ROR1: variants seen among roughly 807,000 people sequenced by gnomAD.
The protein encoded by ROR1 is ROR family WNT receptor 1.
In ROR1, 19 loss-of-function variants were observed where a neutral mutation model predicts 78.8. The ratio of observed to expected loss-of-function variants is 0.24; its 90% CI spans 0.17 to 0.35. ROR1 has a LOEUF of 0.35. Among genes scored for constraint, ROR1 ranks in the 10% least tolerant of loss-of-function variants. ROR1 has a pLI of 1.00. For synonymous variants in ROR1, 386 were observed against 433.6 expected (o/e 0.89, Z 1.36); for missense variants, 917 against 1,177.8 (o/e 0.78, Z 3.24).
chr1:63,801,252 T>C (rs1456981014), intron 1 of ROR1, among the ~76,000 whole-genome samples: 3 of 152,198 alleles, frequency 2.0e-5, no homozygotes, highest in Admixed American at 2.0e-4. Flanking sequence ...AATCTTCTAC[T>C]CATAACATGG....
chr1:64,181,473 G>C lies in ROR1; in HGVS notation c.*2618G>C, dbSNP rs1650544208. The C allele has an allele frequency of 6.6e-6, 1 of 152,000 alleles. No homozygotes were observed. The highest frequency in any genetic ancestry group is 2.4e-5 in the African/African-American group (1 of 41,356). The allele number at this position is 152,000 out of a possible 1,614,324, so 9.4% of individuals were successfully genotyped here. Reference sequence around the variant, plus strand: ...TAAACACTGATTATTTTATGCTGCTGTTTATTAAAAATGTTTACTATAAAA... The same window carrying C: ...TAAACACTGATTATTTTATGCTGCTCTTTATTAAAAATGTTTACTATAAAA... On this transcript the variant is annotated 3_prime_UTR_variant, in exon 9 of 9. Transcript: ENST00000371079.
At chr1:64,034,021 A>C (rs1020586248) in intron 2 of ROR1, among the ~76,000 whole-genome samples, 1 of 152,136 alleles carries the variant, frequency 6.6e-6, no homozygotes, top group African/African-American at 2.4e-5. Flanking sequence ...TAGTTACGTC[A>C]TTCAGGCAGC....
chr1:63,971,796 T>C (rs2100497956), intron 1 of ROR1, among the ~76,000 whole-genome samples: 1 of 152,256 alleles, frequency 6.6e-6, no homozygotes, highest in South Asian at 2.1e-4. Context: ...CTGATGGGTA[T>C]GAGTAGGAGG....
At chr1:63,909,827 C>T (rs1296440268) in intron 1 of ROR1, among the ~76,000 whole-genome samples, 1 of 152,064 alleles carries the variant, frequency 6.6e-6, no homozygotes, top group Non-Finnish European at 1.5e-5. Context: ...TCGCCTCAGT[C>T]TCACTTCCTG....
intron 1 of ROR1, among the ~76,000 whole-genome samples, chr1:63,994,319 AT>A (rs1646320273): frequency 6.6e-6 from 1 of 152,166 alleles, no homozygotes; most frequent in South Asian, 2.1e-4. Context: ...TTAATAACCC[AT>A]TTATGCCTAA....
At chr1:63,974,042 T>G (rs912139016) in intron 1 of ROR1, among the ~76,000 whole-genome samples, 4 of 152,208 alleles carry the variant, frequency 2.6e-5, no homozygotes, top group Non-Finnish European at 5.9e-5. Context: ...ACATTATTGC[T>G]TAAGTAAAGG....
chr1:63,796,017 G>T (rs1644757717), intron 1 of ROR1, among the ~76,000 whole-genome samples: 1 of 152,146 alleles, frequency 6.6e-6, no homozygotes, highest in Non-Finnish European at 1.5e-5. Context: ...AGTATTTTGA[G>T]TATCTTTTGT....
Position 64,120,090 on chromosome 1 carries a change from G to A in ROR1, c.483-17279G>A, listed in dbSNP as rs769780213. Among the ~76,000 whole-genome samples, 11 of 152,308 alleles carry A rather than the reference G, an allele frequency of 7.2e-5. No individual in the cohort carries two copies. In the East Asian group the frequency reaches 1.7e-3, roughly 24 times the overall value. On this transcript the variant is annotated intron_variant, in intron 4 of 8. Coordinates refer to ENST00000371079, the MANE Select transcript of ROR1 (RefSeq NM_005012.4). ...TGGTTCTCGACTGTTCTCCAAAGAC[G>A]CAATGTGCACTGGGCCTCCACGTAG...
At chr1:63,907,787 A>G (rs2100412055) in intron 1 of ROR1, among the ~76,000 whole-genome samples, 1 of 152,280 alleles carries the variant, frequency 6.6e-6, no homozygotes, top group Middle Eastern at 3.4e-3. Flanking sequence ...GAAAGGTGAA[A>G]ACATGTGTTC....
At chr1:63,910,076 A>G (rs989047924) in intron 1 of ROR1, among the ~76,000 whole-genome samples, 45 of 152,292 alleles carry the variant, frequency 3.0e-4, no homozygotes, top group African/African-American at 1.1e-3. Flanking sequence ...CACTTAATCT[A>G]TGAAGCAGTA....
chr1:63,787,129 C>CTCAGA (rs1644693238), intron 1 of ROR1, among the ~76,000 whole-genome samples: 1 of 152,172 alleles, frequency 6.6e-6, no homozygotes, highest in Non-Finnish European at 1.5e-5. Context: ...GCATATCCAG[C>CTCAGA]TCAGACTCTT....
intron 1 of ROR1, among the ~76,000 whole-genome samples, chr1:63,788,292 A>T (rs1020365643): frequency 3.3e-5 from 5 of 152,230 alleles, no homozygotes; most frequent in Admixed American, 6.5e-5. Context: ...ATGTATAATG[A>T]AAACAAATTT....
chr1:63,897,134 G>A (rs192144819), intron 1 of ROR1, among the ~76,000 whole-genome samples: 33 of 152,248 alleles, frequency 2.2e-4, no homozygotes, highest in African/African-American at 6.3e-4. Flanking sequence ...GCCCTTTCAC[G>A]TATTCATCTG....
chr1:64,150,476 G>C (rs970198895), intron 7 of ROR1, among the ~76,000 whole-genome samples: 2 of 152,182 alleles, frequency 1.3e-5, no homozygotes, highest in African/African-American at 4.8e-5. Context: ...TACAGTTCGG[G>C]GCAAGGCAGA....
chr1:64,098,961 CA>C (rs1188088628), intron 4 of ROR1, among the ~76,000 whole-genome samples: 2 of 152,008 alleles, frequency 1.3e-5, no homozygotes, highest in East Asian at 3.9e-4. Context: ...CCCTGTTTTA[CA>C]GTTCATAAAG....
At chr1:63,978,541 G>T (rs1646181223) in intron 1 of ROR1, among the ~76,000 whole-genome samples, 1 of 152,096 alleles carries the variant, frequency 6.6e-6, no homozygotes, top group Non-Finnish European at 1.5e-5. Flanking sequence ...GGCAGCACAT[G>T]GTAAACACTT....
intron 1 of ROR1, among the ~76,000 whole-genome samples, chr1:63,819,149 G>A (rs561820101): frequency 6.6e-6 from 1 of 152,230 alleles, no homozygotes; most frequent in East Asian, 1.9e-4. Flanking sequence ...GAAAGTTTCT[G>A]TGGCTTTCGG....
intron 1 of ROR1, among the ~76,000 whole-genome samples, chr1:64,007,317 C>T (rs12022386): frequency 6.6e-6 from 1 of 151,642 alleles, no homozygotes; most frequent in African/African-American, 2.4e-5. Context: ...TGCCTTATAG[C>T]TAATGACCCT....
chr1:63,924,641 A>G (rs1299775148), intron 1 of ROR1, among the ~76,000 whole-genome samples: 2 of 152,224 alleles, frequency 1.3e-5, no homozygotes, highest in Non-Finnish European at 1.5e-5. Flanking sequence ...CTCTGGGCTC[A>G]TAGCAACTAA....
Sources: gnomAD v4.1 joint callset for allele counts (sites outside exome capture counted in the v4.1 genomes callset) on GRCh38, gnomAD v4.1.1 for gene constraint, MANE v1.5 for transcripts, NCBI Gene and HGNC (gene_info 2026-07-23, HGNC 2026-07-21) for gene names.